GRM3: variants seen among roughly 807,000 people sequenced by gnomAD.
GRM3 encodes the protein metabotropic glutamate receptor 3.
A neutral mutation model predicts 70.5 loss-of-function variants in GRM3; 26 were observed. The ratio of observed to expected loss-of-function variants is 0.37; its 90% CI spans 0.27 to 0.51. The LOEUF (loss-of-function observed/expected upper bound fraction) is 0.51. GRM3 is among the 20% of genes least tolerant of loss of function. The pLI is 0.93. For missense variants in GRM3, 859 were observed against 1,123.8 expected, an observed-to-expected ratio of 0.76 and a Z score of 3.37; for synonymous variants, 443 against 434.9, an observed-to-expected ratio of 1.02 and a Z score of -0.23.
At position 86,655,853 on chromosome 7, in the gene GRM3, GGT is replaced by G. The variant is rs1285935005; in HGVS notation, c.-141+10983_-141+10984del. On this transcript the variant is annotated intron_variant, in intron 1 of 5. Transcript: ENST00000361669. ...GTGTGTGTGTGTGTGTGTGTGTGTG[GGT>G]GGGTGGGTGTGTGTGTATGTGTGTT... Among the ~76,000 whole-genome samples the G allele has an allele frequency of 1.4e-4, 19 of 134,656 alleles. 1 individual carries two copies. The highest frequency in any genetic ancestry group is 4.1e-4 in the African/African-American group (13 of 31,474). The allele number at this position is 134,656 out of a possible 152,430, so 88.3% of individuals were successfully genotyped here. A position where few individuals can be genotyped will look rare whatever the true frequency, so the allele number is the denominator to read the frequency against.
intron 3 of GRM3, among the ~76,000 whole-genome samples, chr7:86,795,919 A>G (rs1797537503): frequency 6.6e-6 from 1 of 152,056 alleles, no homozygotes; most frequent in African/African-American, 2.4e-5. Flanking sequence ...TTGTTTCTTG[A>G]CTTTTAAATA....
chr7:86,647,314 C>T (rs1793497617), intron 1 of GRM3, among the ~76,000 whole-genome samples: 1 of 152,172 alleles, frequency 6.6e-6, no homozygotes, highest in African/African-American at 2.4e-5. Flanking sequence ...CAAAATGAAG[C>T]ATGAGGTTTT....
At chr7:86,804,765 G>C (rs1327596133) in intron 3 of GRM3, among the ~76,000 whole-genome samples, 1 of 152,050 alleles carries the variant, frequency 6.6e-6, no homozygotes, top group Non-Finnish European at 1.5e-5. Flanking sequence ...CTGTTTCTGG[G>C]GAAAAATAGA....
At chr7:86,771,521 C>A (rs1423093153) in intron 2 of GRM3, among the ~76,000 whole-genome samples, 1 of 151,976 alleles carries the variant, frequency 6.6e-6, no homozygotes, top group Non-Finnish European at 1.5e-5. Context: ...AGCATGTATA[C>A]AGTAGGCACA....
At chr7:86,849,308 G>A (rs1258020686) in intron 4 of GRM3, among the ~76,000 whole-genome samples, 1 of 152,178 alleles carries the variant, frequency 6.6e-6, no homozygotes, top group Non-Finnish European at 1.5e-5. Context: ...GGGGTCCCAA[G>A]GTGGAGAGCA....
intron 1 of GRM3, among the ~76,000 whole-genome samples, chr7:86,674,276 C>T (rs1584155431): frequency 6.6e-6 from 1 of 152,076 alleles, no homozygotes; most frequent in Non-Finnish European, 1.5e-5. Flanking sequence ...AGAAGTCCTC[C>T]ATTCCTTCCA....
chr7:86,818,422 G>A (rs1018505355), intron 3 of GRM3, among the ~76,000 whole-genome samples: 1 of 152,034 alleles, frequency 6.6e-6, no homozygotes, highest in Non-Finnish European at 1.5e-5. Context: ...AAGTGCTGGA[G>A]TCATGTAGAC....
intron 3 of GRM3, among the ~76,000 whole-genome samples, chr7:86,827,777 T>G (rs13236960): frequency 6.6e-6 from 1 of 152,120 alleles, no homozygotes; most frequent in Non-Finnish European, 1.5e-5. Context: ...GTGCTGGGAT[T>G]ACAGGCATGA....
At chr7:86,840,499 C>G (rs548138785) in intron 4 of GRM3, among the ~76,000 whole-genome samples, 1 of 152,124 alleles carries the variant, frequency 6.6e-6, no homozygotes, top group African/African-American at 2.4e-5. Flanking sequence ...AAAAATTTTA[C>G]TGTACATATC....
intron 1 of GRM3, among the ~76,000 whole-genome samples, chr7:86,717,172 G>T (rs184549446): frequency 6.6e-6 from 1 of 151,984 alleles, no homozygotes; most frequent in East Asian, 1.9e-4. Context: ...CTTATCACTG[G>T]ACTGTGCTAA....
At chr7:86,783,685 G>T (rs58683682) in intron 2 of GRM3, among the ~76,000 whole-genome samples, 11,528 of 152,134 alleles carry the variant, frequency 0.076, 718 homozygotes, top group African/African-American at 0.17. Context: ...GCCTCCCATG[G>T]TGTTTACTTT....
intron 1 of GRM3, among the ~76,000 whole-genome samples, chr7:86,668,607 T>C (rs557134761): frequency 1.4e-4 from 22 of 152,214 alleles, no homozygotes; most frequent in African/African-American, 5.3e-4. Context: ...GCAGAGAAAC[T>C]TGGAGGGAAG....
chr7:86,644,787 C>A lies in GRM3; in HGVS notation c.-226C>A. ...TTTTGTGTCGGATGAGGAGGACCAA[C>A]CATGAGCCAGAGCCCGGGTGCAGGC... On this transcript the variant is annotated 5_prime_UTR_variant, in exon 1 of 6. Coordinates refer to ENST00000361669, the MANE Select transcript of GRM3 (RefSeq NM_000840.3). 7.8e-7 allele frequency: 1 copy of A among 1,289,310 alleles called. No individual in the cohort carries two copies. The highest frequency in any genetic ancestry group is 5.6e-5 in the East Asian group (1 of 18,002). The allele number at this position is 1,289,310 out of a possible 1,614,324, so 79.9% of individuals were successfully genotyped here. A position where few individuals can be genotyped will look rare whatever the true frequency, so the allele number is the denominator to read the frequency against.
At position 86,721,939 on chromosome 7, in the gene GRM3, C is replaced by A. The variant is rs540287230; in HGVS notation, c.-140-43067C>A. Among the ~76,000 whole-genome samples the A allele has an allele frequency of 7.4e-4, 112 of 152,242 alleles. 1 individual carries two copies. The highest frequency in any genetic ancestry group is 2.3e-3 in the South Asian group (11 of 4,828). On this transcript the variant is annotated intron_variant, in intron 1 of 5. Coordinates refer to ENST00000361669, the MANE Select transcript of GRM3 (RefSeq NM_000840.3). Reference sequence around the variant, plus strand: ...TGGAAGATACCAGGAGAAACATTGACTCCTGGAAACTAGAATTGGCAGAAC... The same window carrying A: ...TGGAAGATACCAGGAGAAACATTGAATCCTGGAAACTAGAATTGGCAGAAC...
chr7:86,761,062 CAG>C (rs1796467697), intron 1 of GRM3, among the ~76,000 whole-genome samples: 1 of 152,068 alleles, frequency 6.6e-6, no homozygotes. Flanking sequence ...TTCATAAAAA[CAG>C]AGATGCATAC....
In GRM3 at chr7:86,750,724, G is replaced by C. The variant is rs184573596; in HGVS notation, c.-140-14282G>C. Among the ~76,000 whole-genome samples the C allele has an allele frequency of 4.0e-3, 604 of 151,900 alleles. 12 individuals are homozygous for C. The highest frequency in any genetic ancestry group is 0.038 in the Admixed American group (574 of 15,226). On this transcript the variant is annotated intron_variant, in intron 1 of 5. Coordinates refer to ENST00000361669, the MANE Select transcript of GRM3 (RefSeq NM_000840.3). ...AAAAAAAGTGTGTGAAATCTGAATG[G>C]AAGAAGGTTGCAACAATCAGAAACA...
chr7:86,749,182 T>A (rs1002668300), intron 1 of GRM3, among the ~76,000 whole-genome samples: 3 of 152,088 alleles, frequency 2.0e-5, no homozygotes, highest in African/African-American at 4.8e-5. Context: ...AAAATAGCTT[T>A]TAAACAAAAT....
chr7:86,709,965 T>C (rs974957128), intron 1 of GRM3: 6 of 152,100 alleles, frequency 3.9e-5, no homozygotes, highest in African/African-American at 1.4e-4. Flanking sequence ...GAATAACCTA[T>C]TTGAGGAACC....
rs1795776701 is a variant in GRM3, at chr7:86,733,156, T to C, written c.-140-31850T>C. Among the ~76,000 whole-genome samples the C allele has an allele frequency of 2.0e-5, 3 of 151,682 alleles. 1 individual carries two copies. The highest frequency in any genetic ancestry group is 7.3e-5 in the African/African-American group (3 of 41,262). Reference sequence around the variant, plus strand: ...GGTGAAACCCCATCTCTACTAAAAATACTAAAAATTAGCCAAGCATGCTGG... The same window carrying C: ...GGTGAAACCCCATCTCTACTAAAAACACTAAAAATTAGCCAAGCATGCTGG... On this transcript the variant is annotated intron_variant, in intron 1 of 5. Transcript: ENST00000361669.
Sources: gnomAD v4.1 joint callset for allele counts (sites outside exome capture counted in the v4.1 genomes callset) on GRCh38, gnomAD v4.1.1 for gene constraint, MANE v1.5 for transcripts, NCBI Gene and HGNC (gene_info 2026-07-23, HGNC 2026-07-21) for gene names.